OGG1: variants seen among roughly 807,000 people sequenced by gnomAD.
OGG1 encodes the protein 8-oxoguanine DNA glycosylase.
Under a neutral mutation model 42.3 loss-of-function variants are expected in OGG1, and 35 were observed. The observed-to-expected ratio is 0.83, with a 90% confidence interval of 0.63 to 1.10. OGG1 has a LOEUF of 1.10. Ranked by LOEUF, OGG1 falls within the 50% of genes least tolerant of loss-of-function variation. The probability of loss-of-function intolerance (pLI) is 0.00; values close to 1 mark genes in which losing one functional copy is unlikely to be tolerated. For synonymous variants in OGG1, 189 were observed against 179.0 expected, an observed-to-expected ratio of 1.06 and a Z score of -0.44; for missense variants, 484 against 446.7, an observed-to-expected ratio of 1.08 and a Z score of -0.75.
At chr3:9,762,825 G>A in intron 7 of OGG1, 1 of 1,303,236 alleles carries the variant, frequency 7.7e-7, no homozygotes, top group East Asian at 2.3e-5. Context: ...TCAGTGAGGG[G>A]GTGAAAGTTG....
chr3:9,788,838 CT>C (rs754997174), downstream of OGG1, among the ~76,000 whole-genome samples: 1,273 of 142,746 alleles, frequency 8.9e-3, 2 homozygotes, highest in African/African-American at 0.011. Context: ...ACTTTTATAT[CT>C]TTTTTTTTTT....
At chr3:9,771,319 C>G (rs376093002), downstream of OGG1, among the ~76,000 whole-genome samples, 1 of 152,180 alleles carries the variant, frequency 6.6e-6, no homozygotes, top group Non-Finnish European at 1.5e-5. Flanking sequence ...GCCACTGCAC[C>G]TGGCCAATTT....
At chr3:9,765,579 A>T (rs960519742) in intron 7 of OGG1, among the ~76,000 whole-genome samples, 6 of 152,164 alleles carry the variant, frequency 3.9e-5, no homozygotes, top group African/African-American at 1.4e-4. Flanking sequence ...CAGGCACTTG[A>T]AATAAAGGAC....
chr3:9,759,623 C>A (rs781511507), downstream of OGG1: 1 of 1,614,110 alleles, frequency 6.2e-7, no homozygotes, highest in South Asian at 1.1e-5. Context: ...AGAAGCAGAC[C>A]TGAGGGCCCC....
chr3:9,773,294 C>A (rs1420945938), intron 2 of OGG1, among the ~76,000 whole-genome samples: 1 of 150,696 alleles, frequency 6.6e-6, no homozygotes, highest in African/African-American at 2.4e-5. Context: ...CCTTGGGAGG[C>A]TGAGGCGGGT....
chr3:9,763,084 AG>A, intron 7 of OGG1: 1 of 1,614,034 alleles, frequency 6.2e-7, no homozygotes. Flanking sequence ...TCTGGCAAAG[AG>A]GGTTGGGACA....
At chr3:9,766,020 A>C (rs1248674655) in exon 8 of OGG1, 12 of 1,613,718 alleles carry the variant, frequency 7.4e-6, no homozygotes, top group Non-Finnish European at 1.0e-5. Context: ...CTAGTCACTC[A>C]TCCATCCCCT....
rs375012142 is a variant in OGG1, at chr3:9,780,586, C to G, written c.295-927C>G. On this transcript the variant is annotated intron_variant, in intron 2 of 3. Transcript: ENST00000426518. ...AGCCAGCCAGGTGCCAGGGTCAGCCCACCTCCAGAGAACAACCCCTCCCTC... is the reference window on the plus strand; with the variant it reads ...AGCCAGCCAGGTGCCAGGGTCAGCCGACCTCCAGAGAACAACCCCTCCCTC... The G allele has an allele frequency of 3.1e-4, 494 of 1,574,820 alleles. 5 individuals are homozygous for G. Among genetic ancestry groups the G allele is most frequent in the South Asian group, 1.9e-3 (166 of 88,092 alleles).
chr3:9,775,901 A>G (rs1314370940), intron 2 of OGG1, among the ~76,000 whole-genome samples: 4 of 152,096 alleles, frequency 2.6e-5, no homozygotes, highest in Non-Finnish European at 5.9e-5. Context: ...TGGCCTCCCA[A>G]AGTGCTGGGA....
At chr3:9,770,838 C>T (rs2078284837), downstream of OGG1, among the ~76,000 whole-genome samples, 1 of 151,850 alleles carries the variant, frequency 6.6e-6, no homozygotes, top group African/African-American at 2.4e-5. Flanking sequence ...TGGGGCTGAA[C>T]TGGGGGCAGC....
intron 7 of OGG1, among the ~76,000 whole-genome samples, chr3:9,765,467 T>G (rs927586191): frequency 2.3e-4 from 35 of 152,162 alleles, no homozygotes; most frequent in Non-Finnish European, 4.3e-4. Context: ...AACTGAGATA[T>G]GTGGGTCCAA....
downstream of OGG1, among the ~76,000 whole-genome samples, chr3:9,790,783 A>G (rs185756876): frequency 3.3e-5 from 5 of 152,346 alleles, no homozygotes; most frequent in Admixed American, 1.3e-4. Context: ...AGGGAAACTG[A>G]CACTCAGAGA....
downstream of OGG1, among the ~76,000 whole-genome samples, chr3:9,789,305 T>C (rs1227873411): frequency 1.3e-5 from 2 of 152,078 alleles, no homozygotes; most frequent in Admixed American, 6.6e-5. Context: ...TGAGGGCGTG[T>C]TGACATTTGG....
intron 3 of OGG1, among the ~76,000 whole-genome samples, chr3:9,786,841 A>G (rs1245578780): frequency 1.3e-5 from 2 of 152,232 alleles, no homozygotes; most frequent in Non-Finnish European, 2.9e-5. Context: ...CACAAGTTAT[A>G]TATTATTCCC....
chr3:9,786,713 G>A (rs1248076016), intron 3 of OGG1, among the ~76,000 whole-genome samples: 1 of 152,182 alleles, frequency 6.6e-6, no homozygotes, highest in Non-Finnish European at 1.5e-5. Context: ...AGAAAAACAG[G>A]GGCATGAGAG....
At chr3:9,780,626 T>C (rs1472529137) in intron 2 of OGG1, 2 of 1,447,718 alleles carry the variant, frequency 1.4e-6, no homozygotes, top group African/African-American at 2.8e-5. Context: ...AGACCGAGCC[T>C]ACCCACCAGC....
intron 3 of OGG1, among the ~76,000 whole-genome samples, chr3:9,784,474 ATAT>A (rs2078557739): frequency 6.6e-6 from 1 of 152,160 alleles, no homozygotes; most frequent in South Asian, 2.1e-4. Flanking sequence ...ATTTTGTTAT[ATAT>A]TATTATATAT....
chr3:9,752,604 G>A (rs936724394), intron 3 of OGG1, among the ~76,000 whole-genome samples: 12 of 151,100 alleles, frequency 7.9e-5, no homozygotes, highest in South Asian at 2.1e-4. Context: ...CTAAGAACAC[G>A]TGTGTTCTTC....
chr3:9,761,066 C>T (rs576117965), downstream of OGG1: 86 of 390,478 alleles, frequency 2.2e-4, no homozygotes, highest in African/African-American at 1.2e-3. Flanking sequence ...ACCTCCACAG[C>T]GAGCCCTTCC....
Sources: allele counts gnomAD v4.1 joint callset (sites outside exome capture counted in the v4.1 genomes callset), GRCh38; gene constraint gnomAD v4.1.1; transcripts MANE v1.5; gene names NCBI Gene and HGNC (gene_info 2026-07-23, HGNC 2026-07-21).